The following CBLB variants were observed in gnomAD, a reference collection of about 807,000 sequenced individuals.
The protein encoded by CBLB is Cbl proto-oncogene B.
Under a neutral mutation model 104.9 loss-of-function variants are expected in CBLB, and 31 were observed. That is an observed-to-expected ratio of 0.30 (90% CI 0.22 to 0.40). CBLB has a LOEUF of 0.40. CBLB is among the 10% of genes least tolerant of loss of function. The pLI is 1.00. For synonymous variants in CBLB, 440 were observed against 422.6 expected, an observed-to-expected ratio of 1.04 and a Z score of -0.51; for missense variants, 1,062 against 1,214.6, an observed-to-expected ratio of 0.87 and a Z score of 1.87.
chr3:105,808,543 TAA>T (rs918445722), intron 3 of CBLB, among the ~76,000 whole-genome samples: 1 of 152,198 alleles, frequency 6.6e-6, no homozygotes, highest in Admixed American at 6.5e-5. Flanking sequence ...ACTATATTCT[TAA>T]GTTTCTTGAA....
intron 3 of CBLB, among the ~76,000 whole-genome samples, chr3:105,796,889 C>G (rs1192580627): frequency 1.3e-5 from 2 of 152,196 alleles, no homozygotes; most frequent in African/African-American, 4.8e-5. Flanking sequence ...CATCTCACAG[C>G]ACTCAGAATG....
chr3:105,816,913 T>A (rs956867894), intron 3 of CBLB, among the ~76,000 whole-genome samples: 2 of 152,022 alleles, frequency 1.3e-5, no homozygotes, highest in Admixed American at 1.3e-4. Flanking sequence ...GGGTTTTTGA[T>A]ATATATACAT....
chr3:105,821,918 G>A (rs1481622417), intron 3 of CBLB, among the ~76,000 whole-genome samples: 1 of 151,938 alleles, frequency 6.6e-6, no homozygotes, highest in Non-Finnish European at 1.5e-5. Flanking sequence ...GCATCTGTGT[G>A]TATCTCTGCT....
intron 3 of CBLB, among the ~76,000 whole-genome samples, chr3:105,781,256 A>G (rs143959017): frequency 8.5e-4 from 129 of 152,314 alleles, no homozygotes; most frequent in Middle Eastern, 3.4e-3. Flanking sequence ...GTCAAGTTAC[A>G]TTGCAGGGAT....
intron 17 of CBLB, among the ~76,000 whole-genome samples, chr3:105,676,406 G>GCC (rs1419071696): frequency 6.6e-6 from 1 of 152,072 alleles, no homozygotes; most frequent in Non-Finnish European, 1.5e-5. Flanking sequence ...GTGTGTATTT[G>GCC]TGTAAAATGT....
chr3:105,869,352 G>A (rs1324304652), upstream of CBLB: 4 of 1,340,070 alleles, frequency 3.0e-6, no homozygotes, highest in Non-Finnish European at 3.0e-6. Context: ...AGGGGTGGCA[G>A]GTGGGCGTGA....
chr3:105,770,775 C>G (rs115387199), intron 4 of CBLB, among the ~76,000 whole-genome samples: 1 of 152,114 alleles, frequency 6.6e-6, no homozygotes, highest in Non-Finnish European at 1.5e-5. Context: ...CTATAGACTA[C>G]CTGGATCTAA....
intron 3 of CBLB, among the ~76,000 whole-genome samples, chr3:105,828,879 A>T (rs2086990138): frequency 1.3e-5 from 2 of 152,198 alleles, no homozygotes; most frequent in Admixed American, 1.3e-4. Flanking sequence ...TTCTCTTGGG[A>T]CATTTCATGA....
chr3:105,676,056 T>G (rs1366420692), intron 17 of CBLB, among the ~76,000 whole-genome samples: 1 of 151,134 alleles, frequency 6.6e-6, no homozygotes, highest in East Asian at 1.9e-4. Context: ...TTAGAATATG[T>G]CCATCTATTA....
intron 3 of CBLB, among the ~76,000 whole-genome samples, chr3:105,784,587 G>A (rs1335673055): frequency 6.6e-6 from 1 of 152,110 alleles, no homozygotes; most frequent in Non-Finnish European, 1.5e-5. Flanking sequence ...ACAGTGAAGT[G>A]GCAATCTGAA....
At chr3:105,830,743 C>T (rs1219878403) in intron 3 of CBLB, among the ~76,000 whole-genome samples, 1 of 152,142 alleles carries the variant, frequency 6.6e-6, no homozygotes, top group African/African-American at 2.4e-5. Flanking sequence ...AAAGAGTAGC[C>T]TAATGTGAAG....
Position 105,831,880 on chromosome 3 carries a change from A to G in CBLB, c.419+21534T>C, listed in dbSNP as rs547192494. On this transcript the variant is annotated intron_variant, in intron 3 of 18. Coordinates refer to ENST00000394030, the MANE Select transcript of CBLB (RefSeq NM_170662.5). ...GTTTAAATGTTATTCAAGAGTAAGC[A>G]AGAAAGTCACACATTATGTTTTTTA... is the stretch of plus-strand genomic sequence containing the variant. 8.6e-5 allele frequency among the ~76,000 whole-genome samples: 13 copies of G among 152,010 alleles called. No homozygotes were observed. In the South Asian group the frequency reaches 2.5e-3, roughly 29 times the overall value.
rs1018719951 is a variant in CBLB at position 105,724,487 on chromosome 3, T to C, written c.1204-4237A>G. ...ATCTTATTTACAGGGCATAATGAGA[T>C]AATGCACATTTAGAGACACCATAAA... On this transcript the variant is annotated intron_variant, in intron 9 of 18. Transcript: ENST00000394030. Among the ~76,000 whole-genome samples, 4 of 152,116 alleles carry C rather than the reference T, an allele frequency of 2.6e-5. No individual in the cohort carries two copies. The East Asian group carries it at 7.7e-4, about 29-fold the overall frequency.
intron 3 of CBLB, among the ~76,000 whole-genome samples, chr3:105,812,977 G>A (rs530076490): frequency 1.3e-5 from 2 of 152,112 alleles, no homozygotes; most frequent in East Asian, 3.9e-4. Flanking sequence ...ATGTCTCAGT[G>A]CTACTAAAAG....
intron 4 of CBLB, among the ~76,000 whole-genome samples, chr3:105,770,618 G>A (rs983801916): frequency 2.0e-5 from 3 of 152,138 alleles, no homozygotes; most frequent in South Asian, 2.1e-4. Flanking sequence ...GAGGAGTTGC[G>A]GCAAGTGGGA....
chr3:105,688,931 G>C (rs1195069355), intron 13 of CBLB, among the ~76,000 whole-genome samples: 1 of 152,026 alleles, frequency 6.6e-6, no homozygotes, highest in African/African-American at 2.4e-5. Flanking sequence ...CTTTGTACTT[G>C]TGTTCTATCC....
intron 7 of CBLB, among the ~76,000 whole-genome samples, chr3:105,739,875 C>T (rs111482396): frequency 1.3e-3 from 199 of 152,184 alleles, no homozygotes; most frequent in Admixed American, 2.9e-3. Context: ...GAGGCCGAGG[C>T]GGGTGGATCA....
chr3:105,709,332 TTCCCATAAAAAATACGTTTTACTGG>T (rs998054775), intron 10 of CBLB, among the ~76,000 whole-genome samples: 1 of 151,922 alleles, frequency 6.6e-6, no homozygotes, highest in Non-Finnish European at 1.5e-5. Flanking sequence ...GTCAAACTGT[TTCCCATAAAAAATACGTTTTACTGG>T]TTTTGGCAGT....
Position 105,656,372 on chromosome 3 carries a change from G to A in CBLB, c.*2598C>T, listed in dbSNP as rs1417989846. Reference sequence around the variant, plus strand: ...TGAAACAAAGTCTGGATCACTTCCAGACATCAACGAGCAGTCGCTTTTACA... The same window carrying A: ...TGAAACAAAGTCTGGATCACTTCCAAACATCAACGAGCAGTCGCTTTTACA... On this transcript the variant is annotated 3_prime_UTR_variant, in exon 19 of 19. Coordinates refer to ENST00000394030, the MANE Select transcript of CBLB (RefSeq NM_170662.5). The A allele has an allele frequency of 4.9e-5, 10 of 203,352 alleles. No homozygotes were observed. The highest frequency in any genetic ancestry group is 1.0e-4 in the Non-Finnish European group (10 of 99,218). 12.6% of individuals were successfully genotyped at this position (203,352 alleles called of 1,614,324 possible).
Sources: gnomAD v4.1 joint callset for allele counts (sites outside exome capture counted in the v4.1 genomes callset) on GRCh38, gnomAD v4.1.1 for gene constraint, MANE v1.5 for transcripts, NCBI Gene and HGNC (gene_info 2026-07-23, HGNC 2026-07-21) for gene names.